ALDH2: variants seen among roughly 807,000 people sequenced by gnomAD.
ALDH2 encodes aldehyde dehydrogenase 2 family member.
Under a neutral mutation model 59.6 loss-of-function variants are expected in ALDH2, and 44 were observed. That is an observed-to-expected ratio of 0.74 (90% CI 0.58 to 0.95). The LOEUF (loss-of-function observed/expected upper bound fraction) is 0.95. Ranked by LOEUF, ALDH2 falls within the 40% of genes least tolerant of loss-of-function variation. The pLI is 0.00. For synonymous variants in ALDH2, 291 were observed against 284.0 expected (o/e 1.02, Z -0.25); for missense variants, 570 against 696.3 (o/e 0.82, Z 2.04).
At chr12:111,778,024 T>C (rs1566182673) in intron 1 of ALDH2, among the ~76,000 whole-genome samples, 1 of 152,188 alleles carries the variant, frequency 6.6e-6, no homozygotes, top group Admixed American at 6.5e-5. Context: ...AGCCTGGGAA[T>C]ATGATTCCTG....
intron 9 of ALDH2, among the ~76,000 whole-genome samples, chr12:111,795,212 T>C (rs530508782): frequency 6.6e-6 from 1 of 152,330 alleles, no homozygotes; most frequent in East Asian, 1.9e-4. Flanking sequence ...TTTTGATTTT[T>C]CTATTAATCT....
At chr12:111,796,269 C>A (rs1229725897) in intron 9 of ALDH2, among the ~76,000 whole-genome samples, 1 of 151,952 alleles carries the variant, frequency 6.6e-6, no homozygotes, top group Admixed American at 6.6e-5. Flanking sequence ...TTGTGGTGAG[C>A]CAAAATCGTG....
intron 1 of ALDH2, among the ~76,000 whole-genome samples, chr12:111,777,165 T>C (rs1180952506): frequency 6.6e-6 from 1 of 152,196 alleles, no homozygotes; most frequent in African/African-American, 2.4e-5. Flanking sequence ...GGCTCTGCCT[T>C]TGCTGCTGTG....
chr12:111,790,789 T>A (rs570203798), intron 6 of ALDH2, among the ~76,000 whole-genome samples: 1 of 152,162 alleles, frequency 6.6e-6, no homozygotes, highest in Non-Finnish European at 1.5e-5. Context: ...GCTTGGTGGC[T>A]CACGCCTGCA....
In ALDH2 at chr12:111,789,874, C is replaced by G. The variant is rs533704716; in HGVS notation, c.492C>G (p.Asp164Glu). 1 of 1,614,080 alleles carries G rather than the reference C, an allele frequency of 6.2e-7. No homozygotes were observed. Among genetic ancestry groups the G allele is most frequent in the Non-Finnish European group, 8.5e-7 (1 of 1,180,052 alleles). The change falls in exon 5 of 13, where the codon GAC (aspartate) becomes GAG (glutamate). Residue 164 changes from aspartate (D) to glutamate (E), a missense_variant. Physicochemically the swap from Asp to Glu is conservative, Grantham distance 45. Transcript: ENST00000261733. ...DKYHGKTIPI[D>E]GDFFSYTRHE... Reference sequence around the variant, plus strand: ...ACCACGGGAAAACCATCCCCATTGACGGAGACTTCTTCAGCTACACACGCC... The same window carrying G: ...ACCACGGGAAAACCATCCCCATTGAGGGAGACTTCTTCAGCTACACACGCC...
intron 8 of ALDH2, 75 bp from the exon 9 acceptor site, chr12:111,792,523 A>T: frequency 6.7e-7 from 1 of 1,498,026 alleles, no homozygotes; most frequent in Non-Finnish European, 8.9e-7. Flanking sequence ...AACAGGCTCC[A>T]TTGGGCAGGC....
At chr12:111,802,870 ACT>A (rs1331564170) in intron 11 of ALDH2, among the ~76,000 whole-genome samples, 1 of 136,248 alleles carries the variant, frequency 7.3e-6, no homozygotes, top group Non-Finnish European at 1.5e-5. Flanking sequence ...ACGGAGCGAG[ACT>A]CTGTCTCAAA....
chr12:111,790,198 T>C (rs1311358677), intron 5 of ALDH2, among the ~76,000 whole-genome samples: 2 of 152,152 alleles, frequency 1.3e-5, no homozygotes, highest in African/African-American at 4.8e-5. Flanking sequence ...GGGAGGTAAT[T>C]AGGGCTTAGC....
chr12:111,777,361 G>A (rs992520592), intron 1 of ALDH2, among the ~76,000 whole-genome samples: 2 of 152,202 alleles, frequency 1.3e-5, no homozygotes, highest in African/African-American at 2.4e-5. Flanking sequence ...TCCATGACAC[G>A]CAGAGGGCTG....
chr12:111,792,846 C>A lies in ALDH2; in HGVS notation c.1083+64C>A, dbSNP rs543619277. Reference sequence around the variant, plus strand: ...CCAGCATGAGAAGCAGAGAGGGCATCGGGCTCAGATCAGTTGGGACTGGGT... The same window carrying A: ...CCAGCATGAGAAGCAGAGAGGGCATAGGGCTCAGATCAGTTGGGACTGGGT... On this transcript the variant is annotated intron_variant, in intron 9 of 12. Transcript: ENST00000261733. The A allele has an allele frequency of 4.5e-5, 67 of 1,488,454 alleles. No homozygotes were observed. The Middle Eastern group carries it at 5.6e-4, about 12-fold the overall frequency. 92.2% of individuals were successfully genotyped at this position (1,488,454 alleles called of 1,614,324 possible).
chr12:111,809,517 T>C (rs369974228), intron 12 of ALDH2, 26 bp from the exon 13 acceptor site: 110 of 1,614,110 alleles, frequency 6.8e-5, no homozygotes, highest in Middle Eastern at 4.9e-4. Context: ...CAGGAAGATC[T>C]AACGGCTTCT....
At chr12:111,793,671 T>C (rs141332736) in intron 9 of ALDH2, among the ~76,000 whole-genome samples, 95 of 151,824 alleles carry the variant, frequency 6.3e-4, no homozygotes, top group African/African-American at 2.2e-3. Context: ...TCTCGACTCA[T>C]GCCTCCCGGG....
At chr12:111,787,932 A>G (rs57046733) in intron 4 of ALDH2, among the ~76,000 whole-genome samples, 2,534 of 152,150 alleles carry the variant, frequency 0.017, 82 homozygotes, top group African/African-American at 0.058. Context: ...CCAGCTACTC[A>G]GGAGGCTGAG....
intron 1 of ALDH2, among the ~76,000 whole-genome samples, chr12:111,772,181 C>T (rs1368350805): frequency 6.6e-6 from 1 of 152,042 alleles, no homozygotes; most frequent in Admixed American, 6.6e-5. Flanking sequence ...ATAATGGTCC[C>T]CTGATGTGCC....
chr12:111,798,263 C>T, intron 10 of ALDH2, 21 bp downstream of exon 10: 5 of 1,525,464 alleles, frequency 3.3e-6, no homozygotes, highest in Non-Finnish European at 4.4e-6. Context: ...GGGGCCAGTG[C>T]TCTGGAAACA....
chr12:111,802,758 T>TA, intron 11 of ALDH2, among the ~76,000 whole-genome samples: 1 of 149,916 alleles, frequency 6.7e-6, no homozygotes, highest in Non-Finnish European at 1.5e-5. Flanking sequence ...CGGGCACCTG[T>TA]AGTCCCAGCT....
chr12:111,800,708 A>G (rs567987135), intron 11 of ALDH2, among the ~76,000 whole-genome samples: 2 of 152,236 alleles, frequency 1.3e-5, no homozygotes, highest in South Asian at 2.1e-4. Context: ...GAACCCTCCT[A>G]TGTTGCTGAT....
At position 111,816,027 on chromosome 12, in the gene ALDH2, T is replaced by TA. The variant is rs949529482; in HGVS notation, c.*6456dup. On this transcript the variant is annotated 3_prime_UTR_variant, in exon 13 of 13. Coordinates refer to ENST00000261733, the MANE Select transcript of ALDH2 (RefSeq NM_000690.4). ...TATTTATCCCCTCAAAATCTCATGT[T>TA]AAAATGTAATCTTCAGTGTTGGAGG... 8 of 152,174 alleles carry TA rather than the reference T, an allele frequency of 5.3e-5. No individual in the cohort carries two copies. Among genetic ancestry groups the TA allele is most frequent in the African/African-American group, 1.7e-4 (7 of 41,434 alleles). 9.4% of individuals were successfully genotyped at this position (152,174 alleles called of 1,614,324 possible).
chr12:111,792,805 G>T, intron 9 of ALDH2, 23 bp downstream of exon 9: 1 of 1,538,852 alleles, frequency 6.5e-7, no homozygotes, highest in Non-Finnish European at 8.7e-7. Flanking sequence ...GTGCCGCAGG[G>T]TCTGGGTGTC....
Sources: gnomAD v4.1 joint callset for allele counts (sites outside exome capture counted in the v4.1 genomes callset) on GRCh38, gnomAD v4.1.1 for gene constraint, MANE v1.5 for transcripts, NCBI Gene and HGNC (gene_info 2026-07-23, HGNC 2026-07-21) for gene names.